The following REV3L variants were observed in gnomAD, a reference collection of about 807,000 sequenced individuals.
The protein encoded by REV3L is REV3 like, DNA directed polymerase zeta catalytic subunit.
In REV3L, 69 loss-of-function variants were observed where a neutral mutation model predicts 299.4. That is an observed-to-expected ratio of 0.23 (90% CI 0.19 to 0.28). The LOEUF is 0.28. REV3L is among the 10% of genes least tolerant of loss of function. The pLI, the probability that REV3L is intolerant of heterozygous loss-of-function variation, is 1.00. For missense variants in REV3L, 3,128 were observed against 3,693.8 expected (o/e 0.85, Z 3.97); for synonymous variants, 1,238 against 1,271.4 (o/e 0.97, Z 0.56).
rs975033576 is a variant in REV3L at position 111,375,978 on chromosome 6, C to T, written c.2377G>A (p.Ala793Thr). 6.2e-7 allele frequency: 1 copy of T among 1,613,780 alleles called. No homozygotes were observed. Among genetic ancestry groups the T allele is most frequent in the Admixed American group, 1.7e-5 (1 of 59,972 alleles). ...KTEKPSLSQQ[A>T]AHYMFFPSVV... is the part of the protein sequence containing the mutation. ...CTGGGAAAAAACATATAGTGTGCTGCTTGCTGGCTGAGGCTTGGCTTTTCT... is the reference window on the plus strand; with the variant it reads ...CTGGGAAAAAACATATAGTGTGCTGTTTGCTGGCTGAGGCTTGGCTTTTCT... The change falls in exon 13 of 32, where the codon GCA (alanine) becomes ACA (threonine). Residue 793 changes from alanine (A) to threonine (T), a missense_variant. By Grantham distance (58) the Ala-to-Thr change is moderately conservative. This residue lies in a region of REV3L where 2,409 missense variants were observed against 2,611.8 expected (regional missense o/e 0.92). Coordinates refer to ENST00000368802, the MANE Select transcript of REV3L (RefSeq NM_001372078.1).
At chr6:111,333,530 G>C (rs939044872) in intron 22 of REV3L, among the ~76,000 whole-genome samples, 163 bp from the exon 23 acceptor site, 1 of 151,202 alleles carries the variant, frequency 6.6e-6, no homozygotes, top group South Asian at 2.1e-4. Context: ...GCTGGAGTAC[G>C]ATGGCACGAT....
At chr6:111,475,514 C>T (rs1792837746) in intron 1 of REV3L, among the ~76,000 whole-genome samples, 1 of 152,162 alleles carries the variant, frequency 6.6e-6, no homozygotes, top group Non-Finnish European at 1.5e-5. Flanking sequence ...CTCACCTTTC[C>T]CGAGTTATAC....
chr6:111,419,869 G>A (rs1785131869), intron 1 of REV3L, among the ~76,000 whole-genome samples: 1 of 151,394 alleles, frequency 6.6e-6, no homozygotes. Context: ...TTTTGAGATG[G>A]AGTCTCGCTC....
At chr6:111,305,412 G>A (rs1772167404) in intron 31 of REV3L, among the ~76,000 whole-genome samples, 3 of 151,830 alleles carry the variant, frequency 2.0e-5, no homozygotes, top group African/African-American at 7.3e-5. Context: ...GCAACATAGT[G>A]AGACCCGATG....
At chr6:111,421,380 T>C (rs1785329537) in intron 1 of REV3L, among the ~76,000 whole-genome samples, 1 of 152,188 alleles carries the variant, frequency 6.6e-6, no homozygotes, top group Non-Finnish European at 1.5e-5. Context: ...AAGGTGACAG[T>C]AAATATTTTA....
intron 1 of REV3L, among the ~76,000 whole-genome samples, chr6:111,452,187 A>G (rs1351677038): frequency 6.6e-6 from 1 of 152,190 alleles, no homozygotes; most frequent in East Asian, 1.9e-4. Context: ...AAAAGACAGA[A>G]TTTTAAAAGA....
intron 26 of REV3L, among the ~76,000 whole-genome samples, chr6:111,319,934 A>C (rs986543843): frequency 6.7e-6 from 1 of 150,066 alleles, no homozygotes; most frequent in Non-Finnish European, 1.5e-5. Context: ...CGTTCAAGTG[A>C]TTCTCCTGCC....
chr6:111,310,078 C>T lies in REV3L; in HGVS notation c.8817G>A (p.Arg2939=). The part of the protein sequence containing the change: ...ELTRKMLTYD[R]RSEPQVGERV... ...GCTCCCCAACCTGAGGCTCAGAGCG[C>T]CGGTCATAAGTCAGCATTTTCCTAT... Residue 2939 remains arginine, a synonymous_variant, in exon 30 of 32, where the codon CGG becomes CGA. Transcript: ENST00000368802. 1 of 1,574,162 alleles carries T rather than the reference C, an allele frequency of 6.4e-7. No individual in the cohort carries two copies. The highest frequency in any genetic ancestry group is 8.6e-7 in the Non-Finnish European group (1 of 1,158,854).
At chr6:111,470,837 G>T (rs548615611) in intron 1 of REV3L, among the ~76,000 whole-genome samples, 2 of 152,156 alleles carry the variant, frequency 1.3e-5, no homozygotes, top group East Asian at 1.9e-4. Context: ...AAAAGTAGCC[G>T]GGTGTGGTGG....
chr6:111,306,894 T>C lies in REV3L; in HGVS notation c.9252+467A>G, dbSNP rs111519744. Among the ~76,000 whole-genome samples the C allele has an allele frequency of 4.6e-5, 7 of 152,350 alleles. 1 individual carries two copies. The highest frequency in any genetic ancestry group is 1.7e-4 in the African/African-American group (7 of 41,592). On this transcript the variant is annotated intron_variant, in intron 31 of 31. Transcript: ENST00000368802. ...TATTTGAAACGCTTAAGACCAGAAG[T>C]GTTTCAGATTTCAAATTTTTTCAGA...
intron 1 of REV3L, among the ~76,000 whole-genome samples, chr6:111,457,057 G>A (rs1297774673): frequency 6.6e-6 from 1 of 151,782 alleles, no homozygotes; most frequent in Non-Finnish European, 1.5e-5. Context: ...TCTTTAAAAG[G>A]CATCCCATTT....
intron 21 of REV3L, among the ~76,000 whole-genome samples, chr6:111,342,327 T>G (rs1486682855): frequency 6.6e-6 from 1 of 152,120 alleles, no homozygotes; most frequent in African/African-American, 2.4e-5. Flanking sequence ...AGCAGAGGTC[T>G]GTTGCCTCTG....
chr6:111,424,711 C>T (rs1785964108), intron 1 of REV3L, among the ~76,000 whole-genome samples: 1 of 152,220 alleles, frequency 6.6e-6, no homozygotes, highest in South Asian at 2.1e-4. Context: ...ACTTGTCTGG[C>T]AGCTTGCTGA....
At chr6:111,358,020 T>C (rs17511083) in intron 17 of REV3L, among the ~76,000 whole-genome samples, 4,315 of 152,256 alleles carry the variant, frequency 0.028, 87 homozygotes, top group Non-Finnish European at 0.044. Flanking sequence ...CTGAATAAAT[T>C]GCAAATTCTT....
intron 14 of REV3L, 66 bp from the exon 15 acceptor site, chr6:111,365,410 C>T: frequency 5.6e-6 from 5 of 893,972 alleles, no homozygotes; most frequent in Non-Finnish European, 8.3e-6. Flanking sequence ...TTTAAAAAAC[C>T]TTTTGTTGTT....
intron 21 of REV3L, among the ~76,000 whole-genome samples, chr6:111,339,263 A>C (rs546969773): frequency 6.6e-6 from 1 of 152,250 alleles, no homozygotes; most frequent in Non-Finnish European, 1.5e-5. Flanking sequence ...ATGAGGTAGA[A>C]TATATTAACA....
Position 111,416,312 on chromosome 6 carries a change from A to T in REV3L, c.300T>A (p.His100Gln), listed in dbSNP as rs1015548300. The change falls in exon 2 of 32, where the codon CAT becomes CAA. Residue 100 changes from histidine (H) to glutamine (Q), a missense_variant. By Grantham distance (24) the His-to-Gln change is conservative. Transcript: ENST00000368802. ...ALGNPSSTAQ[H>Q]VFKVSLVSGM... ...CTGATACTAATGACACTTTGAACAC[A>T]TGCTGAGCAGTGGAAGATGGATTGC... is the stretch of plus-strand genomic sequence containing the variant. 6.2e-7 allele frequency: 1 copy of T among 1,613,646 alleles called. No individual in the cohort carries two copies.
At chr6:111,392,390 T>A (rs923294438) in intron 5 of REV3L, among the ~76,000 whole-genome samples, 1 of 152,172 alleles carries the variant, frequency 6.6e-6, no homozygotes, top group African/African-American at 2.4e-5. Context: ...GCATTTGGAA[T>A]ATACTGCCTC....
upstream of REV3L, chr6:111,483,522 C>T: frequency 4.1e-6 from 2 of 493,302 alleles, no homozygotes; most frequent in Non-Finnish European, 3.8e-6. Flanking sequence ...GAGGGGCTTG[C>T]GGGAGGGGGG....
Sources: allele counts gnomAD v4.1 joint callset (sites outside exome capture counted in the v4.1 genomes callset), GRCh38; gene constraint gnomAD v4.1.1; regional missense constraint gnomAD v4.1.1; transcripts MANE v1.5; gene names NCBI Gene and HGNC (gene_info 2026-07-23, HGNC 2026-07-21).